Variants in KCNQ1 observed in about 807,000 individuals in gnomAD.
KCNQ1 encodes potassium voltage-gated channel subfamily Q member 1.
In KCNQ1, 49 loss-of-function variants were observed where a neutral mutation model predicts 72.4. The ratio of observed to expected loss-of-function variants is 0.68; its 90% CI spans 0.54 to 0.86. KCNQ1 has a LOEUF of 0.86. Among genes scored for constraint, KCNQ1 ranks in the 40% least tolerant of loss-of-function variants. The pLI, the probability that KCNQ1 is intolerant of heterozygous loss-of-function variation, is 0.00. For synonymous variants in KCNQ1, 450 were observed against 412.6 expected (o/e 1.09, Z -1.10); for missense variants, 790 against 945.1 (o/e 0.84, Z 2.15).
In KCNQ1 at chr11:2,526,905, CTGTT is replaced by C. The variant is rs992435517; in HGVS notation, c.387-1019_387-1016del. Among the ~76,000 whole-genome samples, 55 of 152,094 alleles carry C rather than the reference CTGTT, an allele frequency of 3.6e-4. No homozygotes were observed. The highest frequency in any genetic ancestry group is 4.1e-4 in the Non-Finnish European group (28 of 67,992). ...CCCCAGGGTCTGTGTGTGGCTTTCT[CTGTT>C]TGTGTCTCCCCTGGCCCTGGGGGCC... On this transcript the variant is annotated intron_variant, in intron 1 of 15. Transcript: ENST00000155840. This position sits in a 1 kb window ranked among gnomAD's most constrained non-coding sequence, Gnocchi z 6.1.
intron 1 of KCNQ1, among the ~76,000 whole-genome samples, chr11:2,460,782 C>T (rs1184475484): frequency 2.0e-5 from 3 of 152,220 alleles, no homozygotes; most frequent in South Asian, 2.1e-4. Context: ...AGGTGTGTCT[C>T]CACAGTGGGG....
intron 10 of KCNQ1, chr11:2,622,056 T>C (rs1164659092): frequency 5.1e-6 from 2 of 393,804 alleles, no homozygotes; most frequent in East Asian, 3.6e-5. Context: ...GTTTTGCTTT[T>C]GGTATGTTGT....
chr11:2,740,532 G>C (rs180991274), intron 11 of KCNQ1, among the ~76,000 whole-genome samples: 1 of 152,202 alleles, frequency 6.6e-6, no homozygotes, highest in Non-Finnish European at 1.5e-5. Context: ...ATGTGAGCGG[G>C]TGGACCCAGG....
rs1205738389 is a variant in KCNQ1, at chr11:2,600,474, A to G, written c.1393+11620A>G. ...TCATTTGAACCCCTTTCTCTACATTATATTCACATAACATGTTTTTCTGAA... is the reference window on the plus strand; with the variant it reads ...TCATTTGAACCCCTTTCTCTACATTGTATTCACATAACATGTTTTTCTGAA... On this transcript the variant is annotated intron_variant, in intron 10 of 15. Coordinates refer to ENST00000155840, the MANE Select transcript of KCNQ1 (RefSeq NM_000218.3). This position sits in a 1 kb window ranked among gnomAD's most constrained non-coding sequence, Gnocchi z 5.6. Among the ~76,000 whole-genome samples the G allele has an allele frequency of 1.3e-5, 2 of 152,202 alleles. No homozygotes were observed. The highest frequency in any genetic ancestry group is 2.9e-5 in the Non-Finnish European group (2 of 68,030).
At chr11:2,694,279 C>T (rs1417808297) in intron 11 of KCNQ1, 4 of 398,570 alleles carry the variant, frequency 1.0e-5, no homozygotes, top group African/African-American at 4.1e-5. Context: ...ACAGCAGAGA[C>T]ACCATCCCAG....
intron 12 of KCNQ1, among the ~76,000 whole-genome samples, chr11:2,773,618 C>A (rs117871786): frequency 0.016 from 2,410 of 151,652 alleles, 101 homozygotes; most frequent in East Asian, 0.12. Context: ...GGCTCAGCAT[C>A]CCATCTTACA....
intron 10 of KCNQ1, chr11:2,630,155 A>G (rs1849329737): frequency 2.5e-6 from 1 of 398,172 alleles, no homozygotes; most frequent in South Asian, 1.3e-4. Flanking sequence ...GAACTGCATT[A>G]TTTGCACTTA....
At chr11:2,609,769 G>A (rs1021053104) in intron 10 of KCNQ1, 1 of 398,000 alleles carries the variant, frequency 2.5e-6, no homozygotes, top group Admixed American at 4.4e-5. Flanking sequence ...ATCATTATGA[G>A]ATATTCATAT....
chr11:2,522,783 C>T (rs1847411720), intron 1 of KCNQ1, among the ~76,000 whole-genome samples: 1 of 152,242 alleles, frequency 6.6e-6, no homozygotes. Flanking sequence ...CTCCCAACCC[C>T]CGGGCCTGGA....
chr11:2,728,645 ACAGGACGGAGGC>A (rs1845804073), intron 11 of KCNQ1, among the ~76,000 whole-genome samples: 2 of 152,204 alleles, frequency 1.3e-5, no homozygotes, highest in African/African-American at 4.8e-5. Flanking sequence ...AAGCTGGCCT[ACAGGACGGAGGC>A]TCAGGGTGGC....
chr11:2,531,293 G>C (rs1326564707), intron 2 of KCNQ1, among the ~76,000 whole-genome samples: 1 of 151,172 alleles, frequency 6.6e-6, no homozygotes, highest in African/African-American at 2.4e-5. Flanking sequence ...TCTGCAGCTC[G>C]AGAATTAGAC....
At position 2,598,610 on chromosome 11, in the gene KCNQ1, A is replaced by G. The variant is rs938566562; in HGVS notation, c.1393+9756A>G. ...ATTTAGGTCTGCTCTGCCCTTAGTT[A>G]AAAAAAAAAAACCCTAATACATCTG... On this transcript the variant is annotated intron_variant, in intron 10 of 15. Coordinates refer to ENST00000155840, the MANE Select transcript of KCNQ1 (RefSeq NM_000218.3). This position sits in a 1 kb window ranked among gnomAD's most constrained non-coding sequence, Gnocchi z 6.2. Among the ~76,000 whole-genome samples, 4 of 84,236 alleles carry G rather than the reference A, an allele frequency of 4.7e-5. No individual in the cohort carries two copies. The highest frequency in any genetic ancestry group is 7.9e-5 in the Non-Finnish European group (4 of 50,864). The allele number at this position is 84,236 out of a possible 152,430, so 55.3% of individuals were successfully genotyped here. A position where few individuals can be genotyped will look rare whatever the true frequency, so the allele number is the denominator to read the frequency against.
In KCNQ1 at chr11:2,602,259, C is replaced by T. The variant is rs557616662; in HGVS notation, c.1393+13405C>T. On this transcript the variant is annotated intron_variant, in intron 10 of 15. Coordinates refer to ENST00000155840, the MANE Select transcript of KCNQ1 (RefSeq NM_000218.3). The surrounding 1 kb of genome is among the most constrained non-coding windows in gnomAD (Gnocchi z 4.8). The stretch of plus-strand genomic sequence containing the variant: ...GTCCCCTAAGACTCTTTTCAGACTT[C>T]TGGCCTCTAGAACTGTGAGAAAAAA... Among the ~76,000 whole-genome samples the T allele has an allele frequency of 7.3e-5, 11 of 151,232 alleles. No homozygotes were observed. The highest frequency in any genetic ancestry group is 8.8e-5 in the Non-Finnish European group (6 of 67,924).
At chr11:2,721,211 G>T (rs1367189788) in intron 11 of KCNQ1, among the ~76,000 whole-genome samples, 4 of 152,192 alleles carry the variant, frequency 2.6e-5, no homozygotes, top group Non-Finnish European at 5.9e-5. Context: ...ACATCCAGCA[G>T]CATCCACGAC....
chr11:2,818,823 C>T lies in KCNQ1; in HGVS notation c.1795-28944C>T, dbSNP rs1229350333. 6.6e-6 allele frequency among the ~76,000 whole-genome samples: 1 copy of T among 152,024 alleles called. No homozygotes were observed. Among genetic ancestry groups the T allele is most frequent in the East Asian group, 1.9e-4 (1 of 5,154 alleles). On this transcript the variant is annotated intron_variant, in intron 15 of 15. Coordinates refer to ENST00000155840, the MANE Select transcript of KCNQ1 (RefSeq NM_000218.3). The surrounding 1 kb of genome is among the most constrained non-coding windows in gnomAD (Gnocchi z 7.2). Reference sequence around the variant, plus strand: ...CACTCCCCAACAGGTGTCTCCACAACTGCCAGGAGACAGCTCAGCTTAGCT... The same window carrying T: ...CACTCCCCAACAGGTGTCTCCACAATTGCCAGGAGACAGCTCAGCTTAGCT...
At position 2,613,819 on chromosome 11, in the gene KCNQ1, G is replaced by A; in HGVS notation, c.1393+24965G>A. On this transcript the variant is annotated intron_variant, in intron 10 of 15. Coordinates refer to ENST00000155840, the MANE Select transcript of KCNQ1 (RefSeq NM_000218.3). This position sits in a 1 kb window ranked among gnomAD's most constrained non-coding sequence, Gnocchi z 4.8. ...ATCCTAATTCCCCCTACCCATTATA[G>A]GTAACCAGTTTCAGTGTTTTCTAGT... 5.0e-6 allele frequency: 2 copies of A among 398,378 alleles called. No individual in the cohort carries two copies. The highest frequency in any genetic ancestry group is 4.4e-5 in the Admixed American group (1 of 22,718). 24.7% of individuals were successfully genotyped at this position (398,378 alleles called of 1,614,324 possible).
In KCNQ1 at chr11:2,651,103, T is replaced by A; in HGVS notation, c.1394-10858T>A. Reference sequence around the variant, plus strand: ...CTGGTCTCTTGATTTCCACTCTTGCTTCCTGTACTCCATTCTTCACATAAC... The same window carrying A: ...CTGGTCTCTTGATTTCCACTCTTGCATCCTGTACTCCATTCTTCACATAAC... On this transcript the variant is annotated intron_variant, in intron 10 of 15. Coordinates refer to ENST00000155840, the MANE Select transcript of KCNQ1 (RefSeq NM_000218.3). This position sits in a 1 kb window ranked among gnomAD's most constrained non-coding sequence, Gnocchi z 6.1. 1 of 398,744 alleles carries A rather than the reference T, an allele frequency of 2.5e-6. No homozygotes were observed. The highest frequency in any genetic ancestry group is 4.4e-6 in the Non-Finnish European group (1 of 226,126). 24.7% of individuals were successfully genotyped at this position (398,744 alleles called of 1,614,324 possible).
chr11:2,622,451 G>A (rs1185847253), intron 10 of KCNQ1: 1 of 398,246 alleles, frequency 2.5e-6, no homozygotes, highest in African/African-American at 2.1e-5. Flanking sequence ...GACCAAAAGT[G>A]AGTTTGTTAT....
chr11:2,825,053 T>C (rs1012026943), intron 15 of KCNQ1, among the ~76,000 whole-genome samples: 9 of 152,180 alleles, frequency 5.9e-5, no homozygotes, highest in African/African-American at 2.2e-4. Flanking sequence ...GGTCTGCACA[T>C]GTGGCTGGTG....
Sources: allele counts gnomAD v4.1 joint callset (sites outside exome capture counted in the v4.1 genomes callset), GRCh38; gene constraint gnomAD v4.1.1; non-coding constraint Gnocchi (gnomAD v3.1); transcripts MANE v1.5; gene names NCBI Gene and HGNC (gene_info 2026-07-23, HGNC 2026-07-21).